The following IQSEC1 variants were observed in gnomAD, a reference collection of about 807,000 sequenced individuals.
IQSEC1 encodes IQ motif and Sec7 domain ArfGEF 1.
IQSEC1 carries 31 observed loss-of-function variants against 91.0 expected under a neutral mutation model. The ratio of observed to expected loss-of-function variants is 0.34; its 90% CI spans 0.26 to 0.46. The LOEUF (loss-of-function observed/expected upper bound fraction) is 0.46, where lower values mean the gene tolerates loss of function less well. IQSEC1 is among the 20% of genes least tolerant of loss of function. IQSEC1 has a pLI of 1.00. For synonymous variants in IQSEC1, 699 were observed against 662.6 expected (o/e 1.05, Z -0.84); for missense variants, 1,388 against 1,575.6 (o/e 0.88, Z 2.02).
At chr3:13,017,450 C>T (rs1246472996) in intron 1 of IQSEC1, among the ~76,000 whole-genome samples, 2 of 152,194 alleles carry the variant, frequency 1.3e-5, no homozygotes, top group Non-Finnish European at 2.9e-5. Context: ...CCCATGCCGC[C>T]TTGCTGCTGG....
At chr3:13,134,124 C>T (rs761879894) in intron 2 of IQSEC1, among the ~76,000 whole-genome samples, 2 of 152,206 alleles carry the variant, frequency 1.3e-5, no homozygotes, top group Non-Finnish European at 2.9e-5. Context: ...CATCTCCCTC[C>T]AGGGCACCAA....
intron 2 of IQSEC1, among the ~76,000 whole-genome samples, chr3:13,125,209 C>T (rs1422518022): frequency 6.6e-6 from 1 of 152,190 alleles, no homozygotes; most frequent in African/African-American, 2.4e-5. Context: ...CAGCTAGGGG[C>T]CTTTGCTCCT....
At chr3:12,963,276 TA>T (rs1411169841) in intron 1 of IQSEC1, among the ~76,000 whole-genome samples, 1 of 152,054 alleles carries the variant, frequency 6.6e-6, no homozygotes. Flanking sequence ...ACCGAGGAGA[TA>T]AAACGGAAAG....
At chr3:12,976,382 C>T (rs893793378) in intron 1 of IQSEC1, among the ~76,000 whole-genome samples, 2 of 152,212 alleles carry the variant, frequency 1.3e-5, no homozygotes, top group East Asian at 1.9e-4. Context: ...CGGCTGCCTG[C>T]GCCTCACCAT....
intron 3 of IQSEC1, among the ~76,000 whole-genome samples, chr3:12,929,450 G>T (rs1345974726): frequency 6.6e-6 from 1 of 152,318 alleles, no homozygotes; most frequent in Non-Finnish European, 1.5e-5. Flanking sequence ...AAGGTCCCTG[G>T]TGGAGGGAAC....
chr3:12,936,812 G>A, intron 2 of IQSEC1, 115 bp from the exon 3 acceptor site: 4 of 1,038,100 alleles, frequency 3.9e-6, no homozygotes, highest in Non-Finnish European at 5.4e-6. Context: ...AGGTCCCAAA[G>A]TTGGTCAAAG....
chr3:13,005,503 G>A (rs1001762544), intron 1 of IQSEC1, among the ~76,000 whole-genome samples: 13 of 151,816 alleles, frequency 8.6e-5, no homozygotes, highest in East Asian at 5.9e-4. Flanking sequence ...GTAGCTGGGT[G>A]ACCACGGAGG....
chr3:12,902,875 G>T, intron 12 of IQSEC1, 53 bp from the exon 13 acceptor site: 2 of 1,346,078 alleles, frequency 1.5e-6, no homozygotes, highest in South Asian at 1.2e-5. Context: ...GGCTGGGGGT[G>T]CTGCCTGCCT....
rs149929550 is a variant in IQSEC1, at chr3:12,899,409, G to A, written c.*1574C>T. ...CATGGCTTAGGAGCACAGCACTGAC[G>A]GCTGCAGTGGCTCGAAAGGCTGAAA... On this transcript the variant is annotated 3_prime_UTR_variant, in exon 14 of 14. Coordinates refer to ENST00000613206, the MANE Select transcript of IQSEC1 (RefSeq NM_001134382.3). 142 of 1,612,664 alleles carry A rather than the reference G, an allele frequency of 8.8e-5. No individual in the cohort carries two copies. The highest frequency in any genetic ancestry group is 4.0e-4 in the African/African-American group (30 of 74,936).
intron 12 of IQSEC1, among the ~76,000 whole-genome samples, chr3:12,903,612 G>GTCT (rs999516349): frequency 6.6e-6 from 1 of 152,206 alleles, no homozygotes; most frequent in Non-Finnish European, 1.5e-5. Context: ...GCAAGGCCAG[G>GTCT]TCTTCCTCTT....
At position 13,214,542 on chromosome 3, in the gene IQSEC1, C is replaced by A. The variant is rs1694506496; in HGVS notation, c.273-50409G>T. On this transcript the variant is annotated intron_variant, in intron 1 of 15. Transcript: ENST00000648114. This position sits in a 1 kb window ranked among gnomAD's most constrained non-coding sequence, Gnocchi z 4.5. Reference sequence around the variant, plus strand: ...TCATGGCCTCCATTGCACGTGGGTGCAGCCTGGGGCCTCTCACTGCCAGGT... The same window carrying A: ...TCATGGCCTCCATTGCACGTGGGTGAAGCCTGGGGCCTCTCACTGCCAGGT... Among the ~76,000 whole-genome samples, 1 of 152,256 alleles carries A rather than the reference C, an allele frequency of 6.6e-6. No individual in the cohort carries two copies. Among genetic ancestry groups the A allele is most frequent in the Admixed American group, 6.5e-5 (1 of 15,292 alleles).
intron 1 of IQSEC1, among the ~76,000 whole-genome samples, chr3:12,950,070 C>T (rs1023969990): frequency 3.3e-5 from 5 of 152,196 alleles, no homozygotes; most frequent in South Asian, 4.1e-4. Flanking sequence ...CACTATGCGA[C>T]GGGGGAGCCC....
chr3:13,238,640 A>G (rs1694972139), intron 1 of IQSEC1, among the ~76,000 whole-genome samples: 1 of 152,120 alleles, frequency 6.6e-6, no homozygotes, highest in African/African-American at 2.4e-5. Flanking sequence ...CATCACCACA[A>G]TCCCGGCTCA....
At chr3:13,194,436 C>T (rs772222272) in intron 1 of IQSEC1, among the ~76,000 whole-genome samples, 2 of 152,184 alleles carry the variant, frequency 1.3e-5, no homozygotes, top group Non-Finnish European at 1.5e-5. Flanking sequence ...CCTCAGGTGC[C>T]GGGAGTGCCT....
At chr3:13,014,146 T>A (rs1703011234) in intron 1 of IQSEC1, among the ~76,000 whole-genome samples, 1 of 152,158 alleles carries the variant, frequency 6.6e-6, no homozygotes, top group South Asian at 2.1e-4. Context: ...ACCTGACCTC[T>A]TGGGGTCCTT....
At chr3:13,278,987 G>A (rs1322374789) in intron 1 of IQSEC1, among the ~76,000 whole-genome samples, 2 of 152,156 alleles carry the variant, frequency 1.3e-5, no homozygotes, top group Admixed American at 6.5e-5. Flanking sequence ...AGCTGCACCT[G>A]CCTCGTAGGA....
At chr3:13,145,804 CGGG>C (rs71848559) in intron 2 of IQSEC1, among the ~76,000 whole-genome samples, 45 of 53,102 alleles carry the variant, frequency 8.5e-4, no homozygotes, top group East Asian at 2.3e-3. Context: ...CGCCCGGGGG[CGGG>C]GGGGGGGGGT....
At chr3:13,203,297 C>A (rs1694280476) in intron 1 of IQSEC1, among the ~76,000 whole-genome samples, 1 of 152,194 alleles carries the variant, frequency 6.6e-6, no homozygotes, top group Admixed American at 6.5e-5. Context: ...TGAGGCGTAG[C>A]AAGGGCTCCC....
chr3:12,913,679 C>G, intron 8 of IQSEC1, 126 bp from the exon 9 acceptor site: 2 of 851,388 alleles, frequency 2.3e-6, no homozygotes, highest in Admixed American at 6.0e-5. Context: ...TTAAAAAATG[C>G]CTTCCCTCAC....
Sources: gnomAD v4.1 joint callset for allele counts (sites outside exome capture counted in the v4.1 genomes callset) on GRCh38, gnomAD v4.1.1 for gene constraint, Gnocchi (gnomAD v3.1) non-coding constraint, MANE v1.5 for transcripts, NCBI Gene and HGNC (gene_info 2026-07-23, HGNC 2026-07-21) for gene names.